The following CLEC16A variants were observed in gnomAD, a reference collection of about 807,000 sequenced individuals.
CLEC16A encodes protein CLEC16A.
CLEC16A carries 51 observed loss-of-function variants against 109.5 expected under a neutral mutation model. The observed-to-expected ratio is 0.47, with a 90% confidence interval of 0.37 to 0.59. The LOEUF (loss-of-function observed/expected upper bound fraction) is 0.59. Ranked by LOEUF, CLEC16A falls within the 20% of genes least tolerant of loss-of-function variation. The pLI, the probability that CLEC16A is intolerant of heterozygous loss-of-function variation, is 0.00. For missense variants in CLEC16A, 1,339 were observed against 1,394.0 expected (o/e 0.96, Z 0.63); for synonymous variants, 673 against 564.2 (o/e 1.19, Z -2.73).
intron 19 of CLEC16A, among the ~76,000 whole-genome samples, chr16:11,103,077 G>A (rs529911835): frequency 2.0e-5 from 3 of 152,306 alleles, no homozygotes; most frequent in East Asian, 3.9e-4. Context: ...ATGGGCAAGC[G>A]AATGCTCCCC....
At chr16:10,951,044 G>C (rs890533876) in intron 1 of CLEC16A, among the ~76,000 whole-genome samples, 125 of 152,298 alleles carry the variant, frequency 8.2e-4, no homozygotes, top group African/African-American at 3.0e-3. Context: ...AAGGATATGG[G>C]GCATTATTAA....
chr16:11,160,063 G>T (rs1324019420), intron 22 of CLEC16A, among the ~76,000 whole-genome samples: 1 of 152,054 alleles, frequency 6.6e-6, no homozygotes, highest in East Asian at 1.9e-4. Context: ...TCCCTAAAAG[G>T]TTCCTGTGGA....
chr16:11,068,561 A>G (rs1272440835), intron 19 of CLEC16A, among the ~76,000 whole-genome samples: 1 of 152,182 alleles, frequency 6.6e-6, no homozygotes, highest in African/African-American at 2.4e-5. Context: ...TACCACAAAC[A>G]CAAGATGTGA....
chr16:10,952,193 A>G (rs2041769131), intron 1 of CLEC16A, among the ~76,000 whole-genome samples: 1 of 152,342 alleles, frequency 6.6e-6, no homozygotes, highest in Admixed American at 6.5e-5. Flanking sequence ...ATTTATAATC[A>G]GAAGGTTTTA....
At chr16:11,026,033 C>A (rs2046386392) in intron 13 of CLEC16A, among the ~76,000 whole-genome samples, 1 of 152,216 alleles carries the variant, frequency 6.6e-6, no homozygotes, top group African/African-American at 2.4e-5. Context: ...CATGGGTTCA[C>A]ATCCATAGAG....
intron 19 of CLEC16A, among the ~76,000 whole-genome samples, chr16:11,117,690 C>A (rs774617366): frequency 6.6e-6 from 1 of 152,216 alleles, no homozygotes; most frequent in Non-Finnish European, 1.5e-5. Context: ...CCCCAATTCT[C>A]ACTTCACTCC....
At chr16:11,153,014 C>G (rs2153081028) in intron 22 of CLEC16A, among the ~76,000 whole-genome samples, 1 of 152,298 alleles carries the variant, frequency 6.6e-6, no homozygotes. Context: ...CCCGCAGCCT[C>G]TGAGCATTGT....
intron 19 of CLEC16A, among the ~76,000 whole-genome samples, chr16:11,079,105 G>A (rs2049558394): frequency 6.6e-6 from 1 of 152,180 alleles, no homozygotes; most frequent in Admixed American, 6.5e-5. Context: ...TGCTCAGAAG[G>A]TAGCTGAACC....
chr16:11,054,001 A>T (rs1425057747), intron 18 of CLEC16A, among the ~76,000 whole-genome samples: 1 of 152,226 alleles, frequency 6.6e-6, no homozygotes, highest in Non-Finnish European at 1.5e-5. Context: ...AGGAAGTGGG[A>T]CAGGCATCAG....
intron 4 of CLEC16A, 50 bp downstream of exon 4, chr16:10,969,359 T>A: frequency 1.6e-5 from 6 of 386,742 alleles, no homozygotes; most frequent in South Asian, 6.8e-5. Context: ...ACACGTGGCT[T>A]TTTTTTTTTT....
chr16:11,134,904 C>T (rs1396574061), intron 22 of CLEC16A, among the ~76,000 whole-genome samples: 1 of 152,260 alleles, frequency 6.6e-6, no homozygotes. Context: ...GTCATCCACC[C>T]TGGCATAGGC....
chr16:11,020,808 T>C (rs934307851), intron 12 of CLEC16A, among the ~76,000 whole-genome samples: 1 of 152,250 alleles, frequency 6.6e-6, no homozygotes, highest in Non-Finnish European at 1.5e-5. Context: ...TTTTGCCTGA[T>C]TGTTCATTTC....
At chr16:11,036,723 A>G (rs569456174) in intron 13 of CLEC16A, among the ~76,000 whole-genome samples, 23 of 151,758 alleles carry the variant, frequency 1.5e-4, no homozygotes, top group Non-Finnish European at 5.9e-5. Context: ...TAATTTTTGT[A>G]TTTTTAGTAG....
chr16:11,029,296 CA>C (rs1374538428), intron 13 of CLEC16A, among the ~76,000 whole-genome samples: 3 of 152,210 alleles, frequency 2.0e-5, no homozygotes, highest in African/African-American at 4.8e-5. Context: ...AATTGTTCCA[CA>C]GGCTTCATTC....
intron 14 of CLEC16A, chr16:11,041,837 T>C (rs191091721): frequency 6.2e-6 from 1 of 161,130 alleles, no homozygotes; most frequent in African/African-American, 2.4e-5. Context: ...CAAGGGAATA[T>C]GGAGCACCCC....
Position 11,095,262 on chromosome 16 carries a change from A to C in CLEC16A, c.2117-25353A>C, listed in dbSNP as rs115501301. Among the ~76,000 whole-genome samples, 706 of 152,302 alleles carry C rather than the reference A, an allele frequency of 4.6e-3. 5 individuals carry two copies. Among genetic ancestry groups the C allele is most frequent in the Middle Eastern group, 0.031 (9 of 294 alleles). ...GAGCAAGAACCAGAGAGAAGAAAGA[A>C]AGGAAAGAGAAGATGAAAAAGAAAA... is the stretch of plus-strand genomic sequence containing the variant. On this transcript the variant is annotated intron_variant, in intron 19 of 23. Coordinates refer to ENST00000409790, the MANE Select transcript of CLEC16A (RefSeq NM_015226.3).
chr16:11,122,904 T>TTTTC (rs2052535823), intron 20 of CLEC16A, among the ~76,000 whole-genome samples: 1 of 137,444 alleles, frequency 7.3e-6, no homozygotes, highest in Non-Finnish European at 1.6e-5. Context: ...TTCTTTTTTT[T>TTTTC]TTTTTTTTTT....
intron 3 of CLEC16A, among the ~76,000 whole-genome samples, chr16:10,968,239 T>C (rs1394201079): frequency 6.6e-6 from 1 of 152,232 alleles, no homozygotes; most frequent in East Asian, 1.9e-4. Flanking sequence ...CTGCAGGCCA[T>C]AGGCTGCAGC....
At chr16:11,117,195 G>A (rs967353354) in intron 19 of CLEC16A, among the ~76,000 whole-genome samples, 2 of 152,078 alleles carry the variant, frequency 1.3e-5, no homozygotes, top group South Asian at 2.1e-4. Flanking sequence ...GGGTGACAGG[G>A]GTTGAAAAAC....
Sources: gnomAD v4.1 joint callset for allele counts (sites outside exome capture counted in the v4.1 genomes callset) on GRCh38, gnomAD v4.1.1 for gene constraint, MANE v1.5 for transcripts, NCBI Gene and HGNC (gene_info 2026-07-23, HGNC 2026-07-21) for gene names.